GRIA1: variants seen among roughly 807,000 people sequenced by gnomAD.
GRIA1 encodes the protein glutamate ionotropic receptor AMPA type subunit 1, also known as glutamate receptor 1.
A neutral mutation model predicts 99.2 loss-of-function variants in GRIA1; 31 were observed. The ratio of observed to expected loss-of-function variants is 0.31; its 90% CI spans 0.23 to 0.42. The LOEUF (loss-of-function observed/expected upper bound fraction) is 0.42. GRIA1 is among the 10% of genes least tolerant of loss of function. The pLI is 1.00. For synonymous variants in GRIA1, 438 were observed against 432.4 expected, an observed-to-expected ratio of 1.01 and a Z score of -0.16; for missense variants, 782 against 1,157.5, an observed-to-expected ratio of 0.68 and a Z score of 4.71.
intron 2 of GRIA1, among the ~76,000 whole-genome samples, chr5:153,634,721 G>A (rs544307592): frequency 4.6e-5 from 7 of 152,306 alleles, no homozygotes; most frequent in African/African-American, 1.7e-4. Context: ...TTCAAATGTC[G>A]TTTTCGCAGC....
At chr5:153,805,494 A>G (rs1373003464) in intron 15 of GRIA1, among the ~76,000 whole-genome samples, 1 of 152,156 alleles carries the variant, frequency 6.6e-6, no homozygotes, top group Non-Finnish European at 1.5e-5. Context: ...GGAATTACAA[A>G]CAATATCATC....
intron 13 of GRIA1, among the ~76,000 whole-genome samples, chr5:153,790,366 A>G (rs745917991): frequency 6.6e-6 from 1 of 152,178 alleles, no homozygotes; most frequent in East Asian, 1.9e-4. Flanking sequence ...CTTATTTTTC[A>G]TAACTCTCCT....
At chr5:153,697,997 A>C (rs1277619107) in intron 8 of GRIA1, 47 bp from the exon 9 acceptor site, 7 of 1,028,316 alleles carry the variant, frequency 6.8e-6, no homozygotes, top group Non-Finnish European at 1.1e-5. Context: ...AGGCCAGTTC[A>C]GAGGAGGCTG....
rs115793436 is a variant in GRIA1, at chr5:153,768,676, G to A, written c.2023-1492G>A. On this transcript the variant is annotated intron_variant, in intron 12 of 15. Transcript: ENST00000285900. ...AATATCTTACCAACAGTTGACGTGC[G>A]CTAATATCAAGGAAATAAACCTGAT... Among the ~76,000 whole-genome samples, 819 of 152,044 alleles carry A rather than the reference G, an allele frequency of 5.4e-3. 13 individuals are homozygous for A. The highest frequency in any genetic ancestry group is 0.019 in the African/African-American group (780 of 41,470).
At chr5:153,802,600 C>A (rs1766126240) in intron 15 of GRIA1, 110 bp downstream of exon 15, 2 of 1,089,962 alleles carry the variant, frequency 1.8e-6, no homozygotes, top group South Asian at 2.7e-5. Context: ...TTGAGGTCAG[C>A]ACAAGACAGG....
intron 2 of GRIA1, among the ~76,000 whole-genome samples, chr5:153,576,529 TC>T: frequency 6.6e-6 from 1 of 152,346 alleles, no homozygotes; most frequent in South Asian, 2.1e-4. Flanking sequence ...TAATTTCATT[TC>T]CTGAATTGTT....
intron 2 of GRIA1, among the ~76,000 whole-genome samples, chr5:153,556,721 C>G (rs1049239896): frequency 6.6e-6 from 1 of 152,210 alleles, no homozygotes; most frequent in Non-Finnish European, 1.5e-5. Flanking sequence ...GCAAGGATCT[C>G]TCACCTGAAG....
intron 11 of GRIA1, among the ~76,000 whole-genome samples, chr5:153,750,945 A>G (rs762528095): frequency 6.6e-6 from 1 of 152,080 alleles, no homozygotes; most frequent in Non-Finnish European, 1.5e-5. Context: ...AAAAGTACAA[A>G]AAAAATTAGC....
At chr5:153,764,239 C>T (rs1763365892) in intron 11 of GRIA1, among the ~76,000 whole-genome samples, 195 bp from the exon 12 acceptor site, 2 of 152,166 alleles carry the variant, frequency 1.3e-5, no homozygotes, top group South Asian at 4.1e-4. Context: ...CCCCACAGAT[C>T]CATGTCCGTA....
At chr5:153,491,443 A>G in intron 1 of GRIA1, 1 of 379,780 alleles carries the variant, frequency 2.6e-6, no homozygotes, top group Admixed American at 6.0e-5. Flanking sequence ...CAGAAAAGAG[A>G]CCCTCGAGAA....
intron 11 of GRIA1, among the ~76,000 whole-genome samples, chr5:153,758,826 C>T (rs978162719): frequency 2.0e-5 from 3 of 151,852 alleles, no homozygotes; most frequent in South Asian, 4.1e-4. Context: ...GAGTATATCA[C>T]ATACATATAT....
At chr5:153,757,854 C>A (rs1762930638) in intron 11 of GRIA1, among the ~76,000 whole-genome samples, 3 of 152,074 alleles carry the variant, frequency 2.0e-5, no homozygotes, top group Admixed American at 1.3e-4. Flanking sequence ...AATAAAACAT[C>A]TGAAGTTATA....
In GRIA1 at chr5:153,686,338, C is replaced by A. The variant is rs760614855; in HGVS notation, c.1134+9C>A. 1 of 1,600,080 alleles carries A rather than the reference C, an allele frequency of 6.2e-7. No individual in the cohort carries two copies. The highest frequency in any genetic ancestry group is 1.3e-5 in the African/African-American group (1 of 74,586). Reference sequence around the variant, plus strand: ...ATGACGGCATCCGAAAGGTAAGGTCCCCCTTTACTTCTGTTCTGCAGAGAG... The same window carrying A: ...ATGACGGCATCCGAAAGGTAAGGTCACCCTTTACTTCTGTTCTGCAGAGAG... On this transcript the variant is annotated intron_variant, in intron 8 of 15. Coordinates refer to ENST00000285900, the MANE Select transcript of GRIA1 (RefSeq NM_000827.4).
Position 153,508,339 on chromosome 5 carries a change from CA to C in GRIA1, c.220+14277del, listed in dbSNP as rs1270434406. 4.6e-5 allele frequency among the ~76,000 whole-genome samples: 7 copies of C among 152,080 alleles called. No individual in the cohort carries two copies. The South Asian group carries it at 1.5e-3, about 32-fold the overall frequency. On this transcript the variant is annotated intron_variant, in intron 2 of 15. Coordinates refer to ENST00000285900, the MANE Select transcript of GRIA1 (RefSeq NM_000827.4). Reference sequence around the variant, plus strand: ...AATGTAGTGAGCATGACTGAGGAACCAAATCTTTCATGTAATTTAATTTTTA... The same window carrying C: ...AATGTAGTGAGCATGACTGAGGAACCAATCTTTCATGTAATTTAATTTTTA...
chr5:153,745,312 G>T (rs996228783), intron 11 of GRIA1, among the ~76,000 whole-genome samples: 1 of 150,208 alleles, frequency 6.7e-6, no homozygotes, highest in East Asian at 2.0e-4. Context: ...AATAGACTGG[G>T]CATGGTGGCT....
Position 153,705,799 on chromosome 5 carries a change from A to G in GRIA1, c.1555A>G (p.Lys519Glu). 2 of 1,612,300 alleles carry G rather than the reference A, an allele frequency of 1.2e-6. No homozygotes were observed. The highest frequency in any genetic ancestry group is 1.7e-6 in the Non-Finnish European group (2 of 1,179,840). Residue 519 changes from lysine to glutamate, a missense_variant, in exon 11 of 16, where the codon AAA becomes GAA. Transcript: ENST00000285900. ...GAGTTTGGGGATCTCCATCATGATT[A>G]AAAAACCACAGAAATCCAAGCCGGG... Reference protein sequence around the residue: ...FMSLGISIMIKKPQKSKPGVF... With the variant: ...FMSLGISIMIEKPQKSKPGVF...
chr5:153,633,177 A>G (rs983869855), intron 2 of GRIA1, among the ~76,000 whole-genome samples: 1 of 152,012 alleles, frequency 6.6e-6, no homozygotes, highest in African/African-American at 2.4e-5. Context: ...AAACTAGTAC[A>G]TTTGCTTCAT....
At chr5:153,707,119 TA>T (rs1214421340) in intron 11 of GRIA1, among the ~76,000 whole-genome samples, 4 of 150,218 alleles carry the variant, frequency 2.7e-5, no homozygotes, top group Non-Finnish European at 1.5e-5. Flanking sequence ...ACTCTGTCTT[TA>T]AAAAAAAAGA....
In GRIA1 at chr5:153,580,493, C is replaced by T. The variant is rs112691716; in HGVS notation, c.221-66435C>T. Among the ~76,000 whole-genome samples, 390 of 152,212 alleles carry T rather than the reference C, an allele frequency of 2.6e-3. 2 individuals are homozygous for T. The highest frequency in any genetic ancestry group is 8.7e-3 in the African/African-American group (361 of 41,540). ...GAGTATTAGGCTGGGAAGCTCATGC[C>T]CAAGTGTGAACCTTGTAGCCTTAAT... On this transcript the variant is annotated intron_variant, in intron 2 of 15. Transcript: ENST00000285900.
Sources: gnomAD v4.1 joint callset for allele counts (sites outside exome capture counted in the v4.1 genomes callset) on GRCh38, gnomAD v4.1.1 for gene constraint, MANE v1.5 for transcripts, NCBI Gene and HGNC (gene_info 2026-07-23, HGNC 2026-07-21) for gene names.